The following AEBP2 variants were observed in gnomAD, a reference collection of about 807,000 sequenced individuals.
The protein encoded by AEBP2 is zinc finger protein AEBP2.
A neutral mutation model predicts 50.8 loss-of-function variants in AEBP2; 10 were observed. That is an observed-to-expected ratio of 0.20 (90% CI 0.12 to 0.33). AEBP2 has a LOEUF of 0.33. Ranked by LOEUF, AEBP2 falls within the 10% of genes least tolerant of loss-of-function variation. AEBP2 has a pLI of 1.00. For synonymous variants in AEBP2, 296 were observed against 261.3 expected, an observed-to-expected ratio of 1.13 and a Z score of -1.28; for missense variants, 570 against 688.0, an observed-to-expected ratio of 0.83 and a Z score of 1.92.
intron 5 of AEBP2, among the ~76,000 whole-genome samples, chr12:19,501,625 A>G: frequency 7.1e-6 from 1 of 140,278 alleles, no homozygotes; most frequent in African/African-American, 2.5e-5. Context: ...CTACAAAGTG[A>G]GACCCTGTCT....
chr12:19,468,126 TTGTGTGTGTGTGTGTGTG>T (rs10643072), intron 2 of AEBP2, among the ~76,000 whole-genome samples: 5 of 143,956 alleles, frequency 3.5e-5, no homozygotes, highest in Non-Finnish European at 7.6e-5. Context: ...CTGCCTGACT[TTGTGTGTGTGTGTGTGTG>T]TGTGTGTGTG....
intron 3 of AEBP2, among the ~76,000 whole-genome samples, chr12:19,480,713 G>A (rs1246109768): frequency 1.3e-5 from 2 of 152,136 alleles, no homozygotes; most frequent in Non-Finnish European, 2.9e-5. Context: ...CCCACAACTC[G>A]TAATATTCTT....
intron 2 of AEBP2, among the ~76,000 whole-genome samples, chr12:19,463,215 G>A (rs1160377413): frequency 1.3e-5 from 2 of 152,188 alleles, no homozygotes; most frequent in Admixed American, 1.3e-4. Flanking sequence ...AGCTGATTTA[G>A]ATGGAAAGTT....
At chr12:19,509,652 C>T (rs773786720) in intron 5 of AEBP2, among the ~76,000 whole-genome samples, 16 of 151,864 alleles carry the variant, frequency 1.1e-4, no homozygotes, top group African/African-American at 3.4e-4. Flanking sequence ...GAGGCCAAGG[C>T]GGGAAGAATA....
In AEBP2 at chr12:19,428,140, C is replaced by T. The variant is rs938877575; in HGVS notation, c.-17+23924C>T. Among the ~76,000 whole-genome samples the T allele has an allele frequency of 5.3e-5, 8 of 151,888 alleles. 1 individual carries two copies. Among genetic ancestry groups the T allele is most frequent in the Non-Finnish European group, 1.5e-5 (1 of 67,960 alleles). On this transcript the variant is annotated intron_variant, in intron 1 of 3. Transcript: ENST00000538425. ...TAGTCCCTGCTACTTGGGAGACAGG[C>T]GGGAGGATCACCTGGGTCCTGGGAG...
At chr12:19,414,580 G>A in intron 1 of AEBP2, among the ~76,000 whole-genome samples, 1 of 152,096 alleles carries the variant, frequency 6.6e-6, no homozygotes, top group Admixed American at 6.6e-5. Context: ...AGCACTGGAG[G>A]GCGATGTCTT....
intron 1 of AEBP2, among the ~76,000 whole-genome samples, chr12:19,411,205 T>C (rs992450108): frequency 3.3e-5 from 5 of 152,216 alleles, no homozygotes; most frequent in Non-Finnish European, 7.3e-5. Context: ...TGAAATTATT[T>C]AACTCTGTAA....
intron 3 of AEBP2, among the ~76,000 whole-genome samples, chr12:19,482,411 G>T (rs1202093869): frequency 6.6e-6 from 1 of 152,164 alleles, no homozygotes; most frequent in African/African-American, 2.4e-5. Flanking sequence ...AACTTGTAAT[G>T]TGGACACACT....
chr12:19,514,875 T>A, intron 7 of AEBP2, 91 bp downstream of exon 7: 1 of 886,834 alleles, frequency 1.1e-6, no homozygotes, highest in Non-Finnish European at 1.8e-6. Context: ...TTTTAAGTGC[T>A]GAATTTTAAT....
rs573943009 is a variant in AEBP2, at chr12:19,521,067, T to A, written c.*2950T>A. The A allele has an allele frequency of 6.6e-6, 1 of 152,202 alleles. No homozygotes were observed. Among genetic ancestry groups the A allele is most frequent in the African/African-American group, 2.4e-5 (1 of 41,534 alleles). The allele number at this position is 152,202 out of a possible 1,614,324, so 9.4% of individuals were successfully genotyped here. A position where few individuals can be genotyped will look rare whatever the true frequency, so the allele number is the denominator to read the frequency against. ...TTATGTATATGCAGATACTCAAAAA[T>A]CTGAAAAAAATCAAAAATCTGAAAT... On this transcript the variant is annotated 3_prime_UTR_variant, in exon 8 of 8. Coordinates refer to ENST00000266508, the MANE Select transcript of AEBP2 (RefSeq NM_153207.5).
rs767899562 is a variant in AEBP2 at position 19,440,221 on chromosome 12, C to A, written c.522C>A (p.Gly174=). 2 of 1,466,352 alleles carry A rather than the reference C, an allele frequency of 1.4e-6. No homozygotes were observed. Among genetic ancestry groups the A allele is most frequent in the Non-Finnish European group, 8.9e-7 (1 of 1,122,238 alleles). 90.8% of individuals were successfully genotyped at this position (1,466,352 alleles called of 1,614,324 possible). A position where few individuals can be genotyped will look rare whatever the true frequency, so the allele number is the denominator to read the frequency against. The change falls in exon 1 of 8, where the codon GGC becomes GGA. Residue 174 remains glycine, a synonymous_variant. Coordinates refer to ENST00000266508, the MANE Select transcript of AEBP2 (RefSeq NM_153207.5). The part of the protein sequence containing the change: ...PRGSQGGGGG[G]SSSSSVVSSG... Reference sequence around the variant, plus strand: ...GCAGCCAGGGCGGCGGCGGGGGCGGCAGCAGTAGCAGCAGCGTAGTCTCCA... The same window carrying A: ...GCAGCCAGGGCGGCGGCGGGGGCGGAAGCAGTAGCAGCAGCGTAGTCTCCA...
chr12:19,490,707 C>T (rs146101292), intron 3 of AEBP2, among the ~76,000 whole-genome samples: 101 of 152,270 alleles, frequency 6.6e-4, no homozygotes, highest in Non-Finnish European at 1.2e-3. Context: ...TTCAAGTGAT[C>T]CACCCACCTC....
intron 5 of AEBP2, among the ~76,000 whole-genome samples, chr12:19,508,636 G>C (rs977288549): frequency 2.0e-5 from 3 of 151,970 alleles, no homozygotes; most frequent in African/African-American, 7.3e-5. Context: ...AAAATATATT[G>C]CTTTTCTTAT....
intron 1 of AEBP2, among the ~76,000 whole-genome samples, chr12:19,453,061 C>G (rs1408963159): frequency 6.6e-6 from 1 of 151,346 alleles, no homozygotes; most frequent in African/African-American, 2.4e-5. Flanking sequence ...CTCCGCCTCC[C>G]AGGTTCACGC....
intron 3 of AEBP2, among the ~76,000 whole-genome samples, chr12:19,478,721 G>T (rs957801486): frequency 6.6e-6 from 1 of 152,074 alleles, no homozygotes; most frequent in Admixed American, 6.6e-5. Flanking sequence ...TTTCATTGTT[G>T]ACTCAAGGAT....
At chr12:19,496,652 T>G (rs930659828) in intron 4 of AEBP2, among the ~76,000 whole-genome samples, 1 of 151,056 alleles carries the variant, frequency 6.6e-6, no homozygotes, top group South Asian at 2.1e-4. Context: ...TAAAATTTGT[T>G]TTTTTTTTAA....
intron 1 of AEBP2, among the ~76,000 whole-genome samples, chr12:19,442,343 G>A (rs1429573690): frequency 6.6e-6 from 1 of 152,194 alleles, no homozygotes; most frequent in African/African-American, 2.4e-5. Context: ...GGGAGGCAGA[G>A]GTTGCAGTGA....
intron 1 of AEBP2, among the ~76,000 whole-genome samples, chr12:19,407,923 T>C (rs908939731): frequency 2.6e-5 from 4 of 151,916 alleles, no homozygotes; most frequent in Non-Finnish European, 5.9e-5. Flanking sequence ...AGGTGGTGCA[T>C]GCCTGTAATC....
intron 1 of AEBP2, among the ~76,000 whole-genome samples, chr12:19,416,435 C>T (rs984238827): frequency 6.6e-6 from 1 of 151,614 alleles, no homozygotes; most frequent in Non-Finnish European, 1.5e-5. Context: ...GACAGAGTTT[C>T]ACTCTTGTCA....
Sources: gnomAD v4.1 joint callset for allele counts (sites outside exome capture counted in the v4.1 genomes callset) on GRCh38, gnomAD v4.1.1 for gene constraint, MANE v1.5 for transcripts, NCBI Gene and HGNC (gene_info 2026-07-23, HGNC 2026-07-21) for gene names.